MECOM: variants seen among roughly 807,000 people sequenced by gnomAD.
MECOM encodes MDS1 and EVI1 complex locus.
MECOM carries 13 observed loss-of-function variants against 116.3 expected under a neutral mutation model. The observed-to-expected ratio is 0.11, with a 90% CI of 0.07 to 0.18. The LOEUF (loss-of-function observed/expected upper bound fraction) is 0.18. MECOM is among the 10% of genes least tolerant of loss of function. The pLI is 1.00. For synonymous variants in MECOM, 528 were observed against 535.2 expected (o/e 0.99, Z 0.19); for missense variants, 1,299 against 1,509.0 (o/e 0.86, Z 2.31).
At chr3:169,401,248 A>G (rs1221867547) in intron 1 of MECOM, among the ~76,000 whole-genome samples, 1 of 152,178 alleles carries the variant, frequency 6.6e-6, no homozygotes, top group South Asian at 2.1e-4. Context: ...GGCCTGCCTT[A>G]AGCTAGGTTC....
At chr3:169,216,454 C>T (rs1751429814) in intron 2 of MECOM, among the ~76,000 whole-genome samples, 1 of 152,042 alleles carries the variant, frequency 6.6e-6, no homozygotes, top group Non-Finnish European at 1.5e-5. Context: ...TCTGAAATGA[C>T]ATCTGACCAC....
chr3:169,128,166 C>T, intron 4 of MECOM, 106 bp from the exon 5 acceptor site: 1 of 919,184 alleles, frequency 1.1e-6, no homozygotes, highest in South Asian at 1.5e-5. Context: ...ATTTGATTGT[C>T]ATTTCTATCT....
intron 2 of MECOM, among the ~76,000 whole-genome samples, chr3:169,201,820 C>G (rs1749193048): frequency 6.6e-6 from 1 of 152,122 alleles, no homozygotes; most frequent in South Asian, 2.1e-4. Flanking sequence ...GCTTCAGTAT[C>G]AAGCACATTC....
At chr3:169,481,015 G>A (rs950508915) in intron 1 of MECOM, among the ~76,000 whole-genome samples, 1 of 152,096 alleles carries the variant, frequency 6.6e-6, no homozygotes, top group South Asian at 2.1e-4. Flanking sequence ...TCAACAAAAA[G>A]AGAGTGTACA....
chr3:169,492,533 G>A (rs761652453), intron 1 of MECOM, among the ~76,000 whole-genome samples: 5 of 151,952 alleles, frequency 3.3e-5, no homozygotes, highest in Admixed American at 2.0e-4. Context: ...TGTGTTAAGC[G>A]CAGTCACAAA....
chr3:169,395,262 T>G (rs1010423306), intron 1 of MECOM, among the ~76,000 whole-genome samples: 2 of 152,172 alleles, frequency 1.3e-5, no homozygotes, highest in African/African-American at 2.4e-5. Context: ...CCAGCAATGT[T>G]TCTAGTTCAT....
chr3:169,109,765 C>T (rs1256929774), intron 9 of MECOM, among the ~76,000 whole-genome samples: 6 of 152,048 alleles, frequency 3.9e-5, no homozygotes, highest in East Asian at 1.9e-4. Context: ...TATTCCAAAA[C>T]GCAATAATAT....
At chr3:169,176,869 T>C (rs1228148843) in intron 2 of MECOM, among the ~76,000 whole-genome samples, 2 of 151,838 alleles carry the variant, frequency 1.3e-5, no homozygotes, top group Non-Finnish European at 2.9e-5. Context: ...GAAAAAAAGC[T>C]CAACATCACT....
intron 1 of MECOM, among the ~76,000 whole-genome samples, chr3:169,553,064 T>G (rs1161776627): frequency 6.6e-6 from 1 of 152,074 alleles, no homozygotes; most frequent in Admixed American, 6.5e-5. Flanking sequence ...ACCAGGTACT[T>G]TTTTCAAAGA....
chr3:169,119,817 G>A (rs868717861), intron 7 of MECOM, among the ~76,000 whole-genome samples: 3 of 152,108 alleles, frequency 2.0e-5, no homozygotes, highest in African/African-American at 7.2e-5. Flanking sequence ...ACCTTCAATA[G>A]AGCTTCCCCA....
At chr3:169,563,167 T>C (rs552156785) in intron 1 of MECOM, among the ~76,000 whole-genome samples, 1 of 152,172 alleles carries the variant, frequency 6.6e-6, no homozygotes, top group Admixed American at 6.5e-5. Context: ...ATTCTTTTGT[T>C]CCAGCAGAGG....
At chr3:169,297,549 C>A (rs917006141) in intron 2 of MECOM, among the ~76,000 whole-genome samples, 1 of 151,490 alleles carries the variant, frequency 6.6e-6, no homozygotes, top group Non-Finnish European at 1.5e-5. Flanking sequence ...TTAACAGAAG[C>A]AACAGCACTG....
At chr3:169,124,441 TCATAA>T (rs1003988468) in intron 5 of MECOM, among the ~76,000 whole-genome samples, 1 of 152,036 alleles carries the variant, frequency 6.6e-6, no homozygotes, top group African/African-American at 2.4e-5. Context: ...ATTCAAATAG[TCATAA>T]CAGACTTGTC....
At chr3:169,542,485 T>C (rs1217668323) in intron 1 of MECOM, among the ~76,000 whole-genome samples, 1 of 152,250 alleles carries the variant, frequency 6.6e-6, no homozygotes, top group Non-Finnish European at 1.5e-5. Flanking sequence ...TTTTCTTAAC[T>C]ACATCATTGC....
intron 2 of MECOM, among the ~76,000 whole-genome samples, chr3:169,236,359 T>C (rs1370930321): frequency 6.6e-6 from 1 of 152,212 alleles, no homozygotes; most frequent in Non-Finnish European, 1.5e-5. Flanking sequence ...AAGTAAACTT[T>C]CTCTTCGAGT....
rs16853624 is a variant in MECOM at position 169,384,583 on chromosome 3, C to T, written c.38-3059G>A. Among the ~76,000 whole-genome samples the T allele has an allele frequency of 8.4e-3, 1,273 of 152,222 alleles. 17 individuals carry two copies. The highest frequency in any genetic ancestry group is 0.029 in the African/African-American group (1,223 of 41,520). On this transcript the variant is annotated intron_variant, in intron 1 of 16. Transcript: ENST00000651503. The stretch of plus-strand genomic sequence containing the variant: ...AAAGTTATTTTACACATTCTTAAAG[C>T]GATTTCTCCCCCATTGTTAGAATTC...
intron 2 of MECOM, among the ~76,000 whole-genome samples, chr3:169,155,852 G>A (rs574995397): frequency 2.0e-5 from 3 of 152,220 alleles, no homozygotes; most frequent in African/African-American, 7.2e-5. Flanking sequence ...CACTGACAGC[G>A]TTCAGGAGAT....
chr3:169,197,135 A>G (rs2149439539), intron 2 of MECOM, among the ~76,000 whole-genome samples: 1 of 151,948 alleles, frequency 6.6e-6, no homozygotes, highest in East Asian at 1.9e-4. Context: ...GACACAAAGA[A>G]GCGAACTATA....
chr3:169,440,223 T>C (rs1743374298), intron 1 of MECOM, among the ~76,000 whole-genome samples: 1 of 152,082 alleles, frequency 6.6e-6, no homozygotes, highest in Non-Finnish European at 1.5e-5. Flanking sequence ...TGTATATATA[T>C]ATTCTTTTCA....
Sources: allele counts gnomAD v4.1 joint callset (sites outside exome capture counted in the v4.1 genomes callset), GRCh38; gene constraint gnomAD v4.1.1; transcripts MANE v1.5; gene names NCBI Gene and HGNC (gene_info 2026-07-23, HGNC 2026-07-21).